Variants in ARFGAP3 observed in about 807,000 individuals in gnomAD.
ARFGAP3 encodes the protein ARF GTPase activating protein 3, also known as ADP-ribosylation factor GTPase-activating protein 3.
ARFGAP3 carries 72 observed loss-of-function variants against 75.0 expected under a neutral mutation model. That is an observed-to-expected ratio of 0.96 (90% CI 0.79 to 1.17). The LOEUF (loss-of-function observed/expected upper bound fraction) is 1.17. Among genes scored for constraint, ARFGAP3 ranks in the 50% most tolerant of loss-of-function variants. The pLI is 0.00. For missense variants in ARFGAP3, 620 were observed against 626.6 expected, an observed-to-expected ratio of 0.99 and a Z score of 0.11; for synonymous variants, 221 against 217.9, an observed-to-expected ratio of 1.01 and a Z score of -0.13.
intron 1 of ARFGAP3, among the ~76,000 whole-genome samples, chr22:42,852,914 G>A (rs1211540201): frequency 2.6e-5 from 4 of 151,914 alleles, no homozygotes; most frequent in Non-Finnish European, 4.4e-5. Flanking sequence ...ACAGGCACTC[G>A]CCATCATGCC....
intron 2 of ARFGAP3, among the ~76,000 whole-genome samples, chr22:42,843,333 G>T (rs542043839): frequency 6.6e-6 from 1 of 152,128 alleles, no homozygotes; most frequent in Non-Finnish European, 1.5e-5. Flanking sequence ...AAAGCATTTC[G>T]CTTTTTCCTG....
chr22:42,814,218 T>C (rs372353884), intron 11 of ARFGAP3, among the ~76,000 whole-genome samples: 46 of 152,372 alleles, frequency 3.0e-4, no homozygotes, highest in African/African-American at 1.1e-3. Context: ...TAATTCATAA[T>C]GTTCAAGTTC....
rs117069965 is a variant in ARFGAP3 at position 42,851,163 on chromosome 22, T to C, written c.70-3531A>G. Reference sequence around the variant, plus strand: ...ATACCAAGTGGACATACCAGCGTGGTTCAGGAAGTCTGCCCACATGGAGCC... The same window carrying C: ...ATACCAAGTGGACATACCAGCGTGGCTCAGGAAGTCTGCCCACATGGAGCC... On this transcript the variant is annotated intron_variant, in intron 1 of 15. Coordinates refer to ENST00000263245, the MANE Select transcript of ARFGAP3 (RefSeq NM_014570.5). Among the ~76,000 whole-genome samples, 717 of 152,346 alleles carry C rather than the reference T, an allele frequency of 4.7e-3. 9 individuals carry two copies. Among genetic ancestry groups the C allele is most frequent in the Non-Finnish European group, 6.6e-3 (451 of 68,040 alleles).
rs1337439607 is a variant in ARFGAP3, at chr22:42,797,208, G to A, written c.*380C>T. 1 of 203,378 alleles carries A rather than the reference G, an allele frequency of 4.9e-6. No homozygotes were observed. Among genetic ancestry groups the A allele is most frequent in the Non-Finnish European group, 9.9e-6 (1 of 101,504 alleles). The allele number at this position is 203,378 out of a possible 1,614,324, so 12.6% of individuals were successfully genotyped here. A position where few individuals can be genotyped will look rare whatever the true frequency, so the allele number is the denominator to read the frequency against. On this transcript the variant is annotated 3_prime_UTR_variant, in exon 16 of 16. Coordinates refer to ENST00000263245, the MANE Select transcript of ARFGAP3 (RefSeq NM_014570.5). ...GGCCCATCCAGCATCCGCTGATTCT[G>A]GCAGCCCTGAGCCCATGTGTCACAT...
chr22:42,814,023 T>C (rs1279585180), intron 11 of ARFGAP3, among the ~76,000 whole-genome samples: 1 of 152,248 alleles, frequency 6.6e-6, no homozygotes, highest in East Asian at 1.9e-4. Flanking sequence ...TTTAGAGCTA[T>C]AGACAGTTGT....
At chr22:42,834,107 T>G in intron 5 of ARFGAP3, 135 bp downstream of exon 5, 1 of 798,220 alleles carries the variant, frequency 1.3e-6, no homozygotes, top group East Asian at 2.7e-5. Context: ...GATAATGTCA[T>G]TTCTCTCTTC....
chr22:42,837,971 C>CA (rs981607326), intron 3 of ARFGAP3, among the ~76,000 whole-genome samples: 5 of 150,938 alleles, frequency 3.3e-5, no homozygotes, highest in African/African-American at 1.2e-4. Context: ...CATGCCTGGC[C>CA]AGGCATATAT....
In ARFGAP3 at chr22:42,822,289, C is replaced by T; in HGVS notation, c.793G>A (p.Val265Ile). 6.2e-7 allele frequency: 1 copy of T among 1,612,934 alleles called. No homozygotes were observed. The highest frequency in any genetic ancestry group is 2.2e-5 in the East Asian group (1 of 44,842). ...ACTTACATTGATTCTTCTTTAGATA[C>T]CACCTTGGCCAGGTCTTCCTGCTCC... ...MKEQEDLAKV[V>I]SKEESIVSSL... The change falls in exon 9 of 16, where the codon GTA (valine) becomes ATA (isoleucine). Residue 265 changes from valine (V) to isoleucine (I), a missense_variant. Coordinates refer to ENST00000263245, the MANE Select transcript of ARFGAP3 (RefSeq NM_014570.5).
rs753843953 is a variant in ARFGAP3, at chr22:42,847,505, T to C, written c.188+9A>G. On this transcript the variant is annotated intron_variant, in intron 2 of 15. Transcript: ENST00000263245. The stretch of plus-strand genomic sequence containing the variant: ...TCAATCTCACCCCAATGAGAGAAGA[T>C]TCACTTACCGAATAAAACTCAAGTG... 1 of 1,607,336 alleles carries C rather than the reference T, an allele frequency of 6.2e-7. No homozygotes were observed. Among genetic ancestry groups the C allele is most frequent in the East Asian group, 2.2e-5 (1 of 44,788 alleles).
chr22:42,846,268 C>T (rs1321940779), intron 2 of ARFGAP3, among the ~76,000 whole-genome samples: 3 of 152,230 alleles, frequency 2.0e-5, no homozygotes, highest in African/African-American at 7.2e-5. Flanking sequence ...AATGACTAAG[C>T]CATGGCTGTT....
At chr22:42,806,707 C>T (rs911454101) in intron 14 of ARFGAP3, among the ~76,000 whole-genome samples, 4 of 152,226 alleles carry the variant, frequency 2.6e-5, no homozygotes, top group Admixed American at 2.0e-4. Flanking sequence ...CCATGACATC[C>T]TCAAGGGCTC....
intron 3 of ARFGAP3, among the ~76,000 whole-genome samples, chr22:42,840,130 C>T (rs1926713856): frequency 6.6e-6 from 1 of 151,824 alleles, no homozygotes; most frequent in Non-Finnish European, 1.5e-5. Flanking sequence ...GGAGTTTTGT[C>T]ATGTTGTCCA....
intron 12 of ARFGAP3, 62 bp downstream of exon 12, chr22:42,810,751 A>G (rs1925331097): frequency 1.4e-6 from 2 of 1,446,012 alleles, no homozygotes; most frequent in East Asian, 2.3e-5. Context: ...TCATGTTATC[A>G]GCAATTTTTT....
At chr22:42,811,589 A>C (rs572528085) in intron 11 of ARFGAP3, among the ~76,000 whole-genome samples, 1 of 152,332 alleles carries the variant, frequency 6.6e-6, no homozygotes, top group Admixed American at 6.5e-5. Context: ...CTGGAGTTGG[A>C]TACAAAGCTA....
chr22:42,849,349 T>G (rs541521985), intron 1 of ARFGAP3, among the ~76,000 whole-genome samples: 49 of 152,378 alleles, frequency 3.2e-4, no homozygotes, highest in Non-Finnish European at 6.2e-4. Context: ...TGCCTCACTC[T>G]GTCCAGGTCA....
At chr22:42,838,699 G>T (rs1417753004) in intron 3 of ARFGAP3, among the ~76,000 whole-genome samples, 1 of 152,178 alleles carries the variant, frequency 6.6e-6, no homozygotes, top group Non-Finnish European at 1.5e-5. Flanking sequence ...ATTTTGGCCT[G>T]ATAAATAGGT....
chr22:42,831,586 T>C lies in ARFGAP3; in HGVS notation c.528A>G (p.Thr176=), dbSNP rs201281390. ...CCAAAGTGGTTTCCACAGGCCTTGA[T>C]GTTAAAGAAGATGGTTCTGCTATTG... ...ASAIAEPSSL[T]SRPVETTLEN... The change falls in exon 6 of 16, where the codon ACA becomes ACG. Residue 176 remains threonine (T), a synonymous_variant. Transcript: ENST00000263245. 3.2e-5 allele frequency: 52 copies of C among 1,613,990 alleles called. No homozygotes were observed. In the East Asian group the frequency reaches 1.0e-3, roughly 31 times the overall value.
At chr22:42,805,024 G>T (rs1015628377) in intron 14 of ARFGAP3, among the ~76,000 whole-genome samples, 7 of 152,180 alleles carry the variant, frequency 4.6e-5, no homozygotes, top group African/African-American at 1.7e-4. Context: ...CCAGCTTCTT[G>T]GGAGGCTGAG....
At chr22:42,835,213 C>A in intron 4 of ARFGAP3, 149 bp downstream of exon 4, 2 of 861,680 alleles carry the variant, frequency 2.3e-6, no homozygotes, top group Non-Finnish European at 3.5e-6. Flanking sequence ...ATTTACAGAA[C>A]ATAACTACTT....
Sources: allele counts gnomAD v4.1 joint callset (sites outside exome capture counted in the v4.1 genomes callset), GRCh38; gene constraint gnomAD v4.1.1; transcripts MANE v1.5; gene names NCBI Gene and HGNC (gene_info 2026-07-23, HGNC 2026-07-21).